NAF1: variants seen among roughly 807,000 people sequenced by gnomAD.
The protein encoded by NAF1 is nuclear assembly factor 1 ribonucleoprotein.
A neutral mutation model predicts 40.6 loss-of-function variants in NAF1; 11 were observed. The ratio of observed to expected loss-of-function variants is 0.27; its 90% CI spans 0.17 to 0.45. The LOEUF is 0.45. Among genes scored for constraint, NAF1 ranks in the 20% least tolerant of loss-of-function variants. NAF1 has a pLI of 1.00. For synonymous variants in NAF1, 260 were observed against 228.5 expected (o/e 1.14, Z -1.24); for missense variants, 607 against 611.1 (o/e 0.99, Z 0.07).
chr4:163,152,957 C>A (rs1731782838), intron 2 of NAF1, among the ~76,000 whole-genome samples: 1 of 152,214 alleles, frequency 6.6e-6, no homozygotes, highest in Non-Finnish European at 1.5e-5. Context: ...GCCAGCCCTG[C>A]TGGCCCCCAG....
At position 163,121,535 on chromosome 4, in the gene NAF1, A is replaced by G. The variant is rs559234523; in HGVS notation, c.115-11245T>C. ...CTGTTCTTTATTTTTTATATTTTCC[A>G]GCTTGCATTACTAAAATTACCTACT... is the stretch of plus-strand genomic sequence containing the variant. On this transcript the variant is annotated intron_variant, in intron 2 of 2. Transcript: ENST00000509434. 3.9e-5 allele frequency among the ~76,000 whole-genome samples: 6 copies of G among 152,284 alleles called. 1 individual carries two copies. In the South Asian group the frequency reaches 1.0e-3, roughly 26 times the overall value.
chr4:163,140,218 CT>C lies in NAF1; in HGVS notation c.878+4del. The C allele has an allele frequency of 6.3e-7, 1 of 1,581,884 alleles. No homozygotes were observed. The highest frequency in any genetic ancestry group is 8.6e-7 in the Non-Finnish European group (1 of 1,169,066). On this transcript the variant is annotated splice_donor_region_variant and intron_variant, in intron 5 of 7. Transcript: ENST00000274054. Reference sequence around the variant, plus strand: ...TGAAGAACAACATGCCGGTAAAGTACTTACTGTTTTAGTTTTTCTGTGAATA... The same window carrying C: ...TGAAGAACAACATGCCGGTAAAGTACTACTGTTTTAGTTTTTCTGTGAATA...
At chr4:163,130,054 A>C (rs1340669809) in intron 7 of NAF1, among the ~76,000 whole-genome samples, 1 of 152,194 alleles carries the variant, frequency 6.6e-6, no homozygotes, top group Admixed American at 6.5e-5. Flanking sequence ...GAATACCTAG[A>C]CTTCAATCTA....
chr4:163,113,966 A>G (rs1343766919), intron 2 of NAF1, among the ~76,000 whole-genome samples: 2 of 152,160 alleles, frequency 1.3e-5, no homozygotes, highest in East Asian at 3.9e-4. Context: ...TTCTATTACC[A>G]AAAACTGTAT....
chr4:163,151,935 T>C (rs1027443079), intron 2 of NAF1, among the ~76,000 whole-genome samples: 2 of 152,168 alleles, frequency 1.3e-5, no homozygotes, highest in African/African-American at 4.8e-5. Context: ...TTATAGGGTA[T>C]TGCTTGAACA....
intron 5 of NAF1, among the ~76,000 whole-genome samples, chr4:163,138,722 A>T (rs771542767): frequency 3.3e-5 from 5 of 152,120 alleles, no homozygotes; most frequent in Non-Finnish European, 5.9e-5. Context: ...TTCTTAATAG[A>T]AGAACTGCAA....
chr4:163,136,780 T>A (rs937913983), intron 6 of NAF1, among the ~76,000 whole-genome samples: 2 of 152,192 alleles, frequency 1.3e-5, no homozygotes, highest in East Asian at 3.9e-4. Context: ...GTGCTTCCAA[T>A]GATTCTGTAC....
At chr4:163,136,968 A>T (rs1421978122) in intron 6 of NAF1, among the ~76,000 whole-genome samples, 1 of 152,212 alleles carries the variant, frequency 6.6e-6, no homozygotes, top group Non-Finnish European at 1.5e-5. Context: ...TTAAAATACA[A>T]CTAAATGTAA....
intron 7 of NAF1, among the ~76,000 whole-genome samples, chr4:163,132,770 T>C (rs1730919860): frequency 6.6e-6 from 1 of 152,330 alleles, no homozygotes; most frequent in South Asian, 2.1e-4. Context: ...TACAACTGTA[T>C]GTGAATCTAT....
chr4:163,155,821 T>C (rs903715788), intron 2 of NAF1, among the ~76,000 whole-genome samples: 1 of 151,938 alleles, frequency 6.6e-6, no homozygotes, highest in Non-Finnish European at 1.5e-5. Flanking sequence ...CACACTCCAA[T>C]AAAGGGGAAA....
At chr4:163,110,390 TTAG>T in intron 2 of NAF1, 2 of 636,596 alleles carry the variant, frequency 3.1e-6, no homozygotes, top group Non-Finnish European at 2.8e-6. Flanking sequence ...TATTGTATTA[TTAG>T]TTGTTGTTAA....
intron 2 of NAF1, among the ~76,000 whole-genome samples, chr4:163,152,856 G>A (rs1194298995): frequency 6.6e-6 from 1 of 152,234 alleles, no homozygotes; most frequent in Non-Finnish European, 1.5e-5. Context: ...GGAGAGGCGC[G>A]AGCGGGAACC....
At chr4:163,139,851 A>G (rs549927923) in intron 5 of NAF1, among the ~76,000 whole-genome samples, 8 of 152,120 alleles carry the variant, frequency 5.3e-5, no homozygotes, top group Non-Finnish European at 1.0e-4. Flanking sequence ...AGGCCCCTAA[A>G]TAGAATCCAA....
chr4:163,127,016 G>GT (rs1422984777), downstream of NAF1: 64 of 1,551,358 alleles, frequency 4.1e-5, no homozygotes, highest in African/African-American at 6.4e-4. Flanking sequence ...GCATGTAAAC[G>GT]TAACTTTTAT....
chr4:163,151,474 T>A (rs1345734627), intron 2 of NAF1, among the ~76,000 whole-genome samples: 5 of 152,052 alleles, frequency 3.3e-5, no homozygotes, highest in Non-Finnish European at 1.5e-5. Flanking sequence ...CCAGTTATCC[T>A]GACATGCTGT....
intron 7 of NAF1, among the ~76,000 whole-genome samples, chr4:163,130,321 T>C (rs1374841724): frequency 6.6e-6 from 1 of 152,128 alleles, no homozygotes; most frequent in Non-Finnish European, 1.5e-5. Context: ...GTCATAAAAA[T>C]GCTTCAACAA....
intron 2 of NAF1, among the ~76,000 whole-genome samples, chr4:163,155,123 T>G: frequency 6.6e-6 from 1 of 152,222 alleles, no homozygotes; most frequent in Non-Finnish European, 1.5e-5. Context: ...ATGCCAAATG[T>G]CACCATCTCT....
intron 2 of NAF1, among the ~76,000 whole-genome samples, chr4:163,158,852 T>C (rs1732101012): frequency 6.6e-6 from 1 of 152,078 alleles, no homozygotes; most frequent in South Asian, 2.1e-4. Context: ...AGTATTAGCC[T>C]AAATTTTTCA....
At chr4:163,104,767 C>G in the NAF1 span, among the ~76,000 whole-genome samples, 1 of 152,192 alleles carries the variant, frequency 6.6e-6, no homozygotes. Flanking sequence ...AGAATCCTGG[C>G]AAAGCAATCT....
Sources: allele counts gnomAD v4.1 joint callset (sites outside exome capture counted in the v4.1 genomes callset), GRCh38; gene constraint gnomAD v4.1.1; transcripts MANE v1.5; gene names NCBI Gene and HGNC (gene_info 2026-07-23, HGNC 2026-07-21).